SATB1: variants seen among roughly 807,000 people sequenced by gnomAD.
SATB1 encodes SATB homeobox 1.
SATB1 carries 11 observed loss-of-function variants against 86.9 expected under a neutral mutation model. The observed-to-expected ratio is 0.13, with a 90% CI of 0.08 to 0.21. The LOEUF is 0.21. SATB1 is among the 10% of genes least tolerant of loss of function. The pLI is 1.00. For synonymous variants in SATB1, 357 were observed against 357.2 expected (o/e 1.00, Z 0.01); for missense variants, 551 against 937.6 (o/e 0.59, Z 5.39).
intron 7 of SATB1, among the ~76,000 whole-genome samples, chr3:18,391,975 T>A (rs1055741993): frequency 6.6e-6 from 1 of 152,208 alleles, no homozygotes; most frequent in Non-Finnish European, 1.5e-5. Flanking sequence ...TATTGAAATA[T>A]ATATACAAAT....
chr3:18,382,700 C>T (rs1036137258), intron 8 of SATB1, among the ~76,000 whole-genome samples: 2 of 152,142 alleles, frequency 1.3e-5, no homozygotes, highest in African/African-American at 4.8e-5. Context: ...TCTAGTTTTC[C>T]CAACTGGATA....
intron 8 of SATB1, among the ~76,000 whole-genome samples, chr3:18,379,228 G>A (rs1301086176): frequency 6.6e-6 from 1 of 152,086 alleles, no homozygotes; most frequent in Non-Finnish European, 1.5e-5. Context: ...ACTTCAAAAT[G>A]TACTGATACT....
At chr3:18,396,358 T>C (rs1696965806) in intron 6 of SATB1, among the ~76,000 whole-genome samples, 2 of 152,170 alleles carry the variant, frequency 1.3e-5, no homozygotes, top group Admixed American at 1.3e-4. Flanking sequence ...TGCCCATTCC[T>C]ATATTATTTT....
rs192206538 is a variant in SATB1 at position 18,386,890 on chromosome 3, G to A, written c.1207-279C>T. On this transcript the variant is annotated intron_variant, in intron 7 of 10. Coordinates refer to ENST00000338745, the MANE Select transcript of SATB1 (RefSeq NM_002971.6). This position sits in a 1 kb window ranked among gnomAD's most constrained non-coding sequence, Gnocchi z 4.5. ...AACTTGCCATGAAATCTTTCACAGA[G>A]AGACGATCCAGGGAAGTTAAGAATA... Among the ~76,000 whole-genome samples the A allele has an allele frequency of 3.2e-4, 49 of 152,282 alleles. No individual in the cohort carries two copies. Among genetic ancestry groups the A allele is most frequent in the African/African-American group, 1.1e-3 (44 of 41,560 alleles).
At chr3:18,357,492 C>T (rs1351724374) in intron 9 of SATB1, among the ~76,000 whole-genome samples, 3 of 150,336 alleles carry the variant, frequency 2.0e-5, no homozygotes, top group Non-Finnish European at 3.0e-5. Flanking sequence ...GTTACTTATG[C>T]TAATGAAGAC....
upstream of SATB1, chr3:18,425,514 G>C (rs1289412947): frequency 6.6e-6 from 1 of 151,408 alleles, no homozygotes; most frequent in Admixed American, 6.6e-5. Flanking sequence ...CGGGGGCGGC[G>C]AGTTAAAAAG....
chr3:18,354,054 T>C (rs1694510278), intron 9 of SATB1, among the ~76,000 whole-genome samples: 1 of 152,238 alleles, frequency 6.6e-6, no homozygotes, highest in South Asian at 2.1e-4. Context: ...GGCAATTCTA[T>C]GTTTATTTCC....
At chr3:18,436,645 A>AT (rs763793188) in intron 2 of SATB1, 6 of 152,152 alleles carry the variant, frequency 3.9e-5, no homozygotes, top group African/African-American at 2.4e-5. Context: ...CACAAGCTAC[A>AT]TTTTATATTT....
chr3:18,367,224 A>G (rs565337952), intron 9 of SATB1, among the ~76,000 whole-genome samples: 41 of 152,288 alleles, frequency 2.7e-4, no homozygotes, highest in African/African-American at 9.9e-4. Flanking sequence ...TGAGTTTGCA[A>G]ATTAGGTACT....
rs776065234 is a variant in SATB1, at chr3:18,349,449, G to A, written c.2013C>T (p.Asp671=). The change falls in exon 11 of 11, where the codon GAC becomes GAT. Residue 671 remains aspartate (D), a synonymous_variant. Coordinates refer to ENST00000338745, the MANE Select transcript of SATB1 (RefSeq NM_002971.6). This position sits in a 1 kb window ranked among gnomAD's most constrained non-coding sequence, Gnocchi z 5.5. ...SFIQDVGLYP[D]EEAIQTLSAQ... ...CAGACAGAGTCTGGATGGCCTCTTC[G>A]TCAGGGTACAGGCCCACGTCTTGTA... 2.0e-5 allele frequency: 33 copies of A among 1,614,086 alleles called. No homozygotes were observed. Among genetic ancestry groups the A allele is most frequent in the East Asian group, 1.8e-4 (8 of 44,884 alleles).
chr3:18,351,188 G>A, intron 10 of SATB1: 1 of 754,966 alleles, frequency 1.3e-6, no homozygotes, highest in Non-Finnish European at 2.3e-6. Flanking sequence ...CTGGCACAGT[G>A]AGCTCTGCCC....
chr3:18,358,616 A>G (rs1395986720), intron 9 of SATB1, among the ~76,000 whole-genome samples: 4 of 152,156 alleles, frequency 2.6e-5, no homozygotes, highest in East Asian at 1.9e-4. Flanking sequence ...AGCACATTAC[A>G]TCCACTTGAT....
chr3:18,368,933 C>T (rs999737582), intron 9 of SATB1, among the ~76,000 whole-genome samples: 4 of 151,974 alleles, frequency 2.6e-5, no homozygotes, highest in East Asian at 1.9e-4. Context: ...GGGATTCTTC[C>T]GAGACTGGTG....
chr3:18,441,800 T>G (rs920817898), upstream of SATB1, among the ~76,000 whole-genome samples: 6 of 152,140 alleles, frequency 3.9e-5, no homozygotes, highest in Non-Finnish European at 8.8e-5. Context: ...CTAAAAATTC[T>G]CCTCCAGATA....
At chr3:18,415,382 A>G (rs1480355881) in intron 4 of SATB1, 148 bp from the exon 5 acceptor site, 5 of 873,016 alleles carry the variant, frequency 5.7e-6, no homozygotes, top group Non-Finnish European at 8.7e-6. Flanking sequence ...CGATTAGTTA[A>G]TTACTTTATA....
At chr3:18,378,054 C>A in intron 9 of SATB1, 116 bp downstream of exon 9, 2 of 873,592 alleles carry the variant, frequency 2.3e-6, no homozygotes, top group South Asian at 2.2e-5. Flanking sequence ...GGAAATAATC[C>A]TAGACACAGA....
intron 10 of SATB1, chr3:18,350,674 CTTT>C: frequency 6.6e-6 from 1 of 152,318 alleles, no homozygotes; most frequent in Non-Finnish European, 1.5e-5. Flanking sequence ...ATATCGTTCT[CTTT>C]TTTGTTTTTG....
At chr3:18,354,281 T>G (rs1694522887) in intron 9 of SATB1, among the ~76,000 whole-genome samples, 1 of 152,166 alleles carries the variant, frequency 6.6e-6, no homozygotes, top group Admixed American at 6.5e-5. Context: ...ACCTTTAAAT[T>G]TTGTTGCTAT....
At chr3:18,368,581 G>C (rs570952028) in intron 9 of SATB1, among the ~76,000 whole-genome samples, 28 of 152,106 alleles carry the variant, frequency 1.8e-4, no homozygotes, top group Admixed American at 2.0e-4. Flanking sequence ...AAATGAGTAA[G>C]GAATCAAAAA....
Sources: gnomAD v4.1 joint callset for allele counts (sites outside exome capture counted in the v4.1 genomes callset) on GRCh38, gnomAD v4.1.1 for gene constraint, Gnocchi (gnomAD v3.1) non-coding constraint, MANE v1.5 for transcripts, NCBI Gene and HGNC (gene_info 2026-07-23, HGNC 2026-07-21) for gene names.